The following SORCS1 variants were observed in gnomAD, a reference collection of about 807,000 sequenced individuals.
The protein encoded by SORCS1 is VPS10 domain-containing receptor SorCS1.
Under a neutral mutation model 146.1 loss-of-function variants are expected in SORCS1, and 60 were observed. The ratio of observed to expected loss-of-function variants is 0.41; its 90% confidence interval spans 0.33 to 0.51. The LOEUF is 0.51. SORCS1 is among the 20% of genes least tolerant of loss of function. SORCS1 has a pLI of 0.21. For synonymous variants in SORCS1, 637 were observed against 584.0 expected, an observed-to-expected ratio of 1.09 and a Z score of -1.31; for missense variants, 1,352 against 1,487.6, an observed-to-expected ratio of 0.91 and a Z score of 1.50.
intron 2 of SORCS1, among the ~76,000 whole-genome samples, chr10:106,934,283 AGTCGCGCACT>A (rs1953578349): frequency 6.6e-6 from 1 of 151,754 alleles, no homozygotes; most frequent in Non-Finnish European, 1.5e-5. Context: ...TTTTAGATGG[AGTCGCGCACT>A]GTCACCCAGG....
Position 106,730,047 on chromosome 10 carries a change from T to C in SORCS1, c.1024+3A>G. On this transcript the variant is annotated splice_donor_region_variant and intron_variant, in intron 6 of 25. Coordinates refer to ENST00000263054, the MANE Select transcript of SORCS1 (RefSeq NM_052918.5). ...AGTATTGCGGCAAAGTTGATTTACT[T>C]ACGACCATCCACAGTTCTGGCCTCA... is the stretch of plus-strand genomic sequence containing the variant. 6.2e-7 allele frequency: 1 copy of C among 1,614,150 alleles called. No individual in the cohort carries two copies. Among genetic ancestry groups the C allele is most frequent in the Non-Finnish European group, 8.5e-7 (1 of 1,180,000 alleles).
At chr10:106,713,376 T>G (rs1039488038) in intron 6 of SORCS1, among the ~76,000 whole-genome samples, 3 of 152,258 alleles carry the variant, frequency 2.0e-5, no homozygotes, top group African/African-American at 7.2e-5. Context: ...GACTGACACC[T>G]AATGAGGACT....
chr10:107,050,736 T>C lies in SORCS1; in HGVS notation c.559-94156A>G, dbSNP rs530218217. ...CACAGAGGAAATGGGACTGGGTATT[T>C]TCTTTTTAGAACCAAAAGTATCAAC... On this transcript the variant is annotated intron_variant, in intron 1 of 25. Coordinates refer to ENST00000263054, the MANE Select transcript of SORCS1 (RefSeq NM_052918.5). Among the ~76,000 whole-genome samples, 32 of 152,298 alleles carry C rather than the reference T, an allele frequency of 2.1e-4. No individual in the cohort carries two copies. In the East Asian group the frequency reaches 4.6e-3, roughly 22 times the overall value.
At chr10:106,584,115 G>T (rs947603263) in intron 24 of SORCS1, among the ~76,000 whole-genome samples, 4 of 152,078 alleles carry the variant, frequency 2.6e-5, no homozygotes, top group Admixed American at 6.6e-5. Flanking sequence ...TATATGCTTT[G>T]AATATCACAA....
upstream of SORCS1, among the ~76,000 whole-genome samples, chr10:107,165,215 C>T (rs906068553): frequency 9.9e-5 from 15 of 151,686 alleles, no homozygotes; most frequent in African/African-American, 3.4e-4. This position sits in a 1 kb window ranked among gnomAD's most constrained non-coding sequence, Gnocchi z 4.0. Flanking sequence ...CGCAGCAGAG[C>T]CTGTGTGTCC....
intron 2 of SORCS1, among the ~76,000 whole-genome samples, chr10:106,842,326 C>T (rs911546823): frequency 6.6e-6 from 1 of 152,128 alleles, no homozygotes; most frequent in African/African-American, 2.4e-5. Context: ...CGCCATTTCC[C>T]AGGTTCAAGT....
chr10:106,585,420 G>A (rs1472305759), intron 24 of SORCS1, among the ~76,000 whole-genome samples: 1 of 152,050 alleles, frequency 6.6e-6, no homozygotes, highest in African/African-American at 2.4e-5. Context: ...CTAAAACAAA[G>A]CAAAAATACC....
chr10:106,943,929 A>G (rs1416182818), intron 2 of SORCS1, among the ~76,000 whole-genome samples: 1 of 152,218 alleles, frequency 6.6e-6, no homozygotes, highest in African/African-American at 2.4e-5. Context: ...GTCCAAGACA[A>G]AAGTGAGAAA....
At chr10:106,775,956 A>C (rs1425207753) in intron 4 of SORCS1, among the ~76,000 whole-genome samples, 1 of 152,212 alleles carries the variant, frequency 6.6e-6, no homozygotes, top group Non-Finnish European at 1.5e-5. Flanking sequence ...ATACACACAC[A>C]CAGCTAATAC....
chr10:106,905,919 T>C (rs1310472237), intron 2 of SORCS1, among the ~76,000 whole-genome samples: 1 of 152,222 alleles, frequency 6.6e-6, no homozygotes, highest in Non-Finnish European at 1.5e-5. Context: ...TCTCTGATAA[T>C]CTGCAAACTT....
chr10:106,828,429 C>A (rs1178753299), intron 3 of SORCS1, among the ~76,000 whole-genome samples: 1 of 152,114 alleles, frequency 6.6e-6, no homozygotes, highest in Non-Finnish European at 1.5e-5. Context: ...CGTTTGGGGA[C>A]CACTTTTGAC....
intron 6 of SORCS1, among the ~76,000 whole-genome samples, chr10:106,722,158 T>C (rs921475462): frequency 4.5e-5 from 6 of 134,184 alleles, no homozygotes; most frequent in African/African-American, 1.8e-4. Context: ...CATATATATA[T>C]AACAATAAAA....
intron 4 of SORCS1, among the ~76,000 whole-genome samples, chr10:106,765,850 T>C (rs765162395): frequency 1.7e-4 from 26 of 152,084 alleles, no homozygotes; most frequent in African/African-American, 5.6e-4. Flanking sequence ...CTTTTCAATA[T>C]TCCTAAATCG....
At chr10:106,728,930 C>A (rs1589752715) in intron 6 of SORCS1, among the ~76,000 whole-genome samples, 1 of 152,182 alleles carries the variant, frequency 6.6e-6, no homozygotes, top group Admixed American at 6.5e-5. Context: ...CTCTTCCTTT[C>A]TCCCTGTCTT....
chr10:106,893,905 A>G (rs1044754650), intron 2 of SORCS1, among the ~76,000 whole-genome samples: 4 of 152,206 alleles, frequency 2.6e-5, no homozygotes, highest in African/African-American at 9.6e-5. Flanking sequence ...AGTAAACAGG[A>G]AGTTTATCTT....
At chr10:106,941,000 C>T (rs927812639) in intron 2 of SORCS1, among the ~76,000 whole-genome samples, 3 of 152,174 alleles carry the variant, frequency 2.0e-5, no homozygotes, top group Admixed American at 6.5e-5. Flanking sequence ...TCGACTGGTT[C>T]AGATCTCTTC....
intron 6 of SORCS1, among the ~76,000 whole-genome samples, chr10:106,709,641 G>A (rs990391286): frequency 1.3e-5 from 2 of 151,746 alleles, no homozygotes; most frequent in Non-Finnish European, 2.9e-5. Flanking sequence ...GTAGAGACGG[G>A]GTTTCACCGT....
At position 106,776,649 on chromosome 10, in the gene SORCS1, A is replaced by G; in HGVS notation, c.770T>C (p.Ile257Thr). 1 of 1,614,066 alleles carries G rather than the reference A, an allele frequency of 6.2e-7. No individual in the cohort carries two copies. The highest frequency in any genetic ancestry group is 1.1e-5 in the South Asian group (1 of 91,062). The change falls in exon 4 of 26, where the codon ATC (isoleucine) becomes ACC (threonine). Residue 257 changes from isoleucine (I) to threonine (T), a missense_variant. Physicochemically the swap from Ile to Thr is moderately conservative, Grantham distance 89. Coordinates refer to ENST00000263054, the MANE Select transcript of SORCS1 (RefSeq NM_052918.5). Reference protein sequence around the residue: ...TDPEIESSLLISSDEGATYQK... With the variant: ...TDPEIESSLLTSSDEGATYQK... ...ATAAGTTGCCCCTTCATCTGAGCTGATCAATAAACTGCTCTCAATCTCCGG... is the reference window on the plus strand; with the variant it reads ...ATAAGTTGCCCCTTCATCTGAGCTGGTCAATAAACTGCTCTCAATCTCCGG...
chr10:107,019,065 C>A (rs1279665459), intron 1 of SORCS1, among the ~76,000 whole-genome samples: 1 of 152,142 alleles, frequency 6.6e-6, no homozygotes, highest in African/African-American at 2.4e-5. Flanking sequence ...CAGCTCATAT[C>A]TCAGCTGTAA....
Sources: gnomAD v4.1 joint callset for allele counts (sites outside exome capture counted in the v4.1 genomes callset) on GRCh38, gnomAD v4.1.1 for gene constraint, Gnocchi (gnomAD v3.1) non-coding constraint, MANE v1.5 for transcripts, NCBI Gene and HGNC (gene_info 2026-07-23, HGNC 2026-07-21) for gene names.